The following MCM7 variants were observed in gnomAD, a reference collection of about 807,000 sequenced individuals.
The protein encoded by MCM7 is DNA replication licensing factor MCM7.
Under a neutral mutation model 83.5 loss-of-function variants are expected in MCM7, and 95 were observed. The observed-to-expected ratio is 1.14, with a 90% CI of 0.96 to 1.35. The LOEUF (loss-of-function observed/expected upper bound fraction) is 1.35, where lower values mean the gene tolerates loss of function less well. Ranked by LOEUF, MCM7 falls within the 40% of genes most tolerant of loss-of-function variation. MCM7 has a pLI of 0.00. For synonymous variants in MCM7, 461 were observed against 352.7 expected, an observed-to-expected ratio of 1.31 and a Z score of -3.44; for missense variants, 1,087 against 957.4, an observed-to-expected ratio of 1.14 and a Z score of -1.79.
Position 100,095,902 on chromosome 7 carries a change from GT to G in MCM7, c.1466del (p.Asn489ThrfsTer32), listed in dbSNP as rs1795607707. On this transcript the variant is annotated frameshift_variant, in exon 11 of 15. Coordinates refer to ENST00000303887, the MANE Select transcript of MCM7 (RefSeq NM_005916.5). LOFTEE classifies it high-confidence loss of function. ...GAGGGTTGTAGCGCCCGTAGGCAGGGTTGGCGGCAGCCAGGATGGAGCAGCG... is the reference window on the plus strand; with the variant it reads ...GAGGGTTGTAGCGCCCGTAGGCAGGGTGGCGGCAGCCAGGATGGAGCAGCG... ...NARCSILAAA[N>X]PAYGRYNPRR... 1 of 1,613,886 alleles carries G rather than the reference GT, an allele frequency of 6.2e-7. No homozygotes were observed. The highest frequency in any genetic ancestry group is 8.5e-7 in the Non-Finnish European group (1 of 1,180,028).
rs762839031 is a variant in MCM7, at chr7:100,092,912, G to A, written c.*20C>T. 6.2e-7 allele frequency: 1 copy of A among 1,614,098 alleles called. No individual in the cohort carries two copies. The highest frequency in any genetic ancestry group is 8.5e-7 in the Non-Finnish European group (1 of 1,179,982). Reference sequence around the variant, plus strand: ...GCCAGCAGGGAACAAGAGGACCCCAGGGTTGCAAGCAGGCTGGAATCAGAC... The same window carrying A: ...GCCAGCAGGGAACAAGAGGACCCCAAGGTTGCAAGCAGGCTGGAATCAGAC... On this transcript the variant is annotated 3_prime_UTR_variant, in exon 15 of 15. Transcript: ENST00000303887.
rs746906554 is a variant in MCM7, at chr7:100,095,472, T to C, written c.1596-2A>G. On this transcript the variant is annotated splice_acceptor_variant, in intron 11 of 14. Transcript: ENST00000303887. LOFTEE classifies it high-confidence loss of function. ...ACATAGGTGATGTGCTGGGCCAACC[T>C]GGACAGAGGGAAGGTTAGAAGGAAC... 1.2e-6 allele frequency: 2 copies of C among 1,613,754 alleles called. No homozygotes were observed. Among genetic ancestry groups the C allele is most frequent in the Non-Finnish European group, 1.7e-6 (2 of 1,179,842 alleles).
Position 100,093,032 on chromosome 7 carries a change from C to T in MCM7, c.2060G>A (p.Arg687His), listed in dbSNP as rs749304759. Residue 687 changes from arginine (R) to histidine (H), a missense_variant, in exon 15 of 15, where the codon CGT becomes CAT. Arg to His is a conservative substitution (Grantham distance 29). Coordinates refer to ENST00000303887, the MANE Select transcript of MCM7 (RefSeq NM_005916.5). ...CTGGAACTGGGCGGGTGTGAAGCCA[C>T]GAGATACACAGCGCTGCTCTGCCTC... ...FSEAEQRCVS[R>H]GFTPAQFQAA... 6.8e-6 allele frequency: 11 copies of T among 1,614,112 alleles called. No homozygotes were observed. Among genetic ancestry groups the T allele is most frequent in the African/African-American group, 4.0e-5 (3 of 74,938 alleles).
rs751375772 is a variant in MCM7, at chr7:100,094,219, G to C, written c.1802C>G (p.Thr601Ser). Residue 601 changes from threonine to serine, a missense_variant, in exon 13 of 15, where the codon ACT becomes AGT. By Grantham distance (58) the Thr-to-Ser change is moderately conservative. Coordinates refer to ENST00000303887, the MANE Select transcript of MCM7 (RefSeq NM_005916.5). ...GATAGCCAGCAGGGTCCGGGCAGAA[G>C]TATAGGTGGCATCCTTACTAGCCCA... ...EAWASKDATY[T>S]SARTLLAILR... is the part of the protein sequence containing the mutation. 1 of 1,614,220 alleles carries C rather than the reference G, an allele frequency of 6.2e-7. No individual in the cohort carries two copies. The highest frequency in any genetic ancestry group is 8.5e-7 in the Non-Finnish European group (1 of 1,180,046).
At chr7:100,094,971 G>A (rs4729576) in intron 12 of MCM7, among the ~76,000 whole-genome samples, 37,742 of 152,080 alleles carry the variant, frequency 0.25, 4,999 homozygotes, top group East Asian at 0.4. Flanking sequence ...CACTTTGGGA[G>A]GCAGAGGTGG....
chr7:100,093,499 T>C (rs2116549753), intron 13 of MCM7, 98 bp from the exon 14 acceptor site: 1 of 1,094,644 alleles, frequency 9.1e-7, no homozygotes, highest in Non-Finnish European at 1.4e-6. Flanking sequence ...GGGCAGCCCA[T>C]GGGTCGCCTA....
chr7:100,098,250 G>GT lies in MCM7; in HGVS notation c.760dup (p.Thr254AsnfsTer57). The GT allele has an allele frequency of 6.2e-7, 1 of 1,614,088 alleles. No homozygotes were observed. The highest frequency in any genetic ancestry group is 8.5e-7 in the Non-Finnish European group (1 of 1,179,986). Reference sequence around the variant, plus strand: ...TGTGTTCTCTCCTTCTACCAGCACCGTGATACTACGAGGGATATTTCCCAC... The same window carrying GT: ...TGTGTTCTCTCCTTCTACCAGCACCGTTGATACTACGAGGGATATTTCCCAC... On this transcript the variant is annotated frameshift_variant, in exon 7 of 15. Transcript: ENST00000303887. LOFTEE classifies it high-confidence loss of function.
Position 100,092,974 on chromosome 7 carries a change from G to C in MCM7, c.2118C>G (p.Val706=). The C allele has an allele frequency of 1.9e-6, 3 of 1,614,246 alleles. No individual in the cohort carries two copies. The highest frequency in any genetic ancestry group is 2.5e-6 in the Non-Finnish European group (3 of 1,180,050). ...AALDEYEELN[V]WQVNASRTRI... is the part of the protein sequence containing the mutation. The stretch of plus-strand genomic sequence containing the variant: ...GTGTCCGGGAAGCATTGACCTGCCA[G>C]ACATTGAGCTCCTCATATTCATCCA... The change falls in exon 15 of 15, where the codon GTC becomes GTG. Residue 706 remains valine (V), a synonymous_variant. Coordinates refer to ENST00000303887, the MANE Select transcript of MCM7 (RefSeq NM_005916.5).
In MCM7 at chr7:100,099,571, T is replaced by G; in HGVS notation, c.276+18A>C. ...AAACGCCTCGCCCTTTGTTTGCCAT[T>G]GTTCTCTAACCACTCACTTCCCTCT... is the stretch of plus-strand genomic sequence containing the variant. On this transcript the variant is annotated intron_variant, in intron 3 of 14. Coordinates refer to ENST00000303887, the MANE Select transcript of MCM7 (RefSeq NM_005916.5). 1 of 1,612,094 alleles carries G rather than the reference T, an allele frequency of 6.2e-7. No homozygotes were observed. Among genetic ancestry groups the G allele is most frequent in the African/African-American group, 1.3e-5 (1 of 74,970 alleles).
At chr7:100,100,533 C>G (rs1266211521) in intron 1 of MCM7, 2 of 996,980 alleles carry the variant, frequency 2.0e-6, no homozygotes, top group African/African-American at 1.7e-5. Context: ...TCTTAGTAAA[C>G]AAAGAAGCAC....
intron 3 of MCM7, 45 bp downstream of exon 3, chr7:100,099,544 T>G: frequency 6.2e-7 from 1 of 1,606,940 alleles, no homozygotes; most frequent in East Asian, 2.2e-5. Context: ...CTACAGAAGC[T>G]TAAACGCCTC....
chr7:100,098,827 A>G, intron 5 of MCM7, 112 bp from the exon 6 acceptor site: 1 of 1,440,708 alleles, frequency 6.9e-7, no homozygotes, highest in Admixed American at 2.1e-5. Context: ...AAGTGTCAAG[A>G]ACCCTCTGAA....
At position 100,099,671 on chromosome 7, in the gene MCM7, G is replaced by A; in HGVS notation, c.194C>T (p.Ser65Leu). The A allele has an allele frequency of 1.2e-6, 2 of 1,614,172 alleles. No individual in the cohort carries two copies. Among genetic ancestry groups the A allele is most frequent in the Non-Finnish European group, 1.7e-6 (2 of 1,180,046 alleles). Reference protein sequence around the residue: ...VAEDDPELVDSICENARRYAK... With the variant: ...VAEDDPELVDLICENARRYAK... ...GTAGCGCCTGGCATTCTCACAAATT[G>A]AGTCCACCAACTCGGGGTCATCCTC... is the stretch of plus-strand genomic sequence containing the variant. Residue 65 changes from serine to leucine, a missense_variant, in exon 3 of 15, where the codon TCA becomes TTA. Transcript: ENST00000303887.
chr7:100,093,571 T>C (rs773692731), intron 13 of MCM7, 170 bp from the exon 14 acceptor site: 1 of 787,808 alleles, frequency 1.3e-6, no homozygotes, highest in South Asian at 1.4e-5. Context: ...GCCGGCACTG[T>C]CAGACCGAGA....
intron 5 of MCM7, 32 bp from the exon 6 acceptor site, chr7:100,098,747 C>T (rs1534309): frequency 7.4e-6 from 12 of 1,611,552 alleles, no homozygotes; most frequent in Non-Finnish European, 1.0e-5. Flanking sequence ...ACCAAAGGAA[C>T]TCAGAAGGAA....
rs1345469589 is a variant in MCM7, at chr7:100,096,073, C to T, written c.1296G>A (p.Gly432=). Residue 432 remains glycine (G), a synonymous_variant, in exon 11 of 15, where the codon GGG becomes GGA. Coordinates refer to ENST00000303887, the MANE Select transcript of MCM7 (RefSeq NM_005916.5). ...SVSGELTLEG[G]ALVLADQGVC... is the part of the protein sequence containing the mutation. ...CACCCTGGTCAGCCAGCACCAGGGCCCCACCCTCTAAGGTCAGTTCTCCAC... is the reference window on the plus strand; with the variant it reads ...CACCCTGGTCAGCCAGCACCAGGGCTCCACCCTCTAAGGTCAGTTCTCCAC... The T allele has an allele frequency of 6.2e-7, 1 of 1,614,038 alleles. No homozygotes were observed. The highest frequency in any genetic ancestry group is 1.3e-5 in the African/African-American group (1 of 75,000).
At position 100,101,384 on chromosome 7, in the gene MCM7, G is replaced by C. The variant is rs899199562; in HGVS notation, c.-90C>G. 2 of 1,569,826 alleles carry C rather than the reference G, an allele frequency of 1.3e-6. No individual in the cohort carries two copies. The highest frequency in any genetic ancestry group is 3.4e-5 in the Admixed American group (2 of 58,976). On this transcript the variant is annotated 5_prime_UTR_variant, in exon 1 of 15. Coordinates refer to ENST00000303887, the MANE Select transcript of MCM7 (RefSeq NM_005916.5). ...AATCTCCGCGCGGTGGACTGTGGCC[G>C]GCCAACCGAAATTGGCGCGAAACGT...
intron 10 of MCM7, among the ~76,000 whole-genome samples, chr7:100,096,846 T>C (rs1373630733): frequency 6.6e-6 from 1 of 151,846 alleles, no homozygotes; most frequent in Admixed American, 6.5e-5. Context: ...CTCACGCCTG[T>C]AATCCCAGCA....
In MCM7 at chr7:100,101,383, C is replaced by A; in HGVS notation, c.-89G>T. 1 of 1,571,934 alleles carries A rather than the reference C, an allele frequency of 6.4e-7. No individual in the cohort carries two copies. The highest frequency in any genetic ancestry group is 8.7e-7 in the Non-Finnish European group (1 of 1,150,464). ...GAATCTCCGCGCGGTGGACTGTGGC[C>A]GGCCAACCGAAATTGGCGCGAAACG... On this transcript the variant is annotated 5_prime_UTR_variant, in exon 1 of 15. Coordinates refer to ENST00000303887, the MANE Select transcript of MCM7 (RefSeq NM_005916.5).
Sources: gnomAD v4.1 joint callset for allele counts (sites outside exome capture counted in the v4.1 genomes callset) on GRCh38, gnomAD v4.1.1 for gene constraint, MANE v1.5 for transcripts, NCBI Gene and HGNC (gene_info 2026-07-23, HGNC 2026-07-21) for gene names.